The following NLRP7 variants were observed in gnomAD, a reference collection of about 807,000 sequenced individuals.
NLRP7 encodes NACHT, LRR and PYD domains-containing protein 7.
Under a neutral mutation model 85.5 loss-of-function variants are expected in NLRP7, and 72 were observed. The ratio of observed to expected loss-of-function variants is 0.84; its 90% confidence interval spans 0.70 to 1.02. The LOEUF is 1.02. Among genes scored for constraint, NLRP7 ranks in the 50% least tolerant of loss-of-function variants. The probability of loss-of-function intolerance (pLI) is 0.00; values close to 1 mark genes in which losing one functional copy is unlikely to be tolerated. For synonymous variants in NLRP7, 550 were observed against 505.2 expected, an observed-to-expected ratio of 1.09 and a Z score of -1.19; for missense variants, 1,243 against 1,219.5, an observed-to-expected ratio of 1.02 and a Z score of -0.29.
chr19:54,938,174 A>C, exon 5 of NLRP7: 1 of 1,614,072 alleles, frequency 6.2e-7, no homozygotes, highest in Non-Finnish European at 8.5e-7. Flanking sequence ...AGAGAGCAGA[A>C]ATCTGTCCAG....
chr19:54,946,810 T>G (rs1020123446), intron 1 of NLRP7, among the ~76,000 whole-genome samples: 1 of 152,112 alleles, frequency 6.6e-6, no homozygotes, highest in African/African-American at 2.4e-5. Context: ...TGGCTAATTT[T>G]TGTGTTTTTA....
At chr19:54,937,843 G>A (rs775523792) in intron 5 of NLRP7, among the ~76,000 whole-genome samples, 1 of 142,962 alleles carries the variant, frequency 7.0e-6, no homozygotes, top group Non-Finnish European at 1.5e-5. Context: ...GATGCAGTGA[G>A]CTGAGATCGC....
upstream of NLRP7, among the ~76,000 whole-genome samples, chr19:54,950,978 C>G (rs2069649321): frequency 6.6e-6 from 1 of 152,182 alleles, no homozygotes. Flanking sequence ...TCCCTGGGTA[C>G]TTGAGATTAG....
chr19:54,958,917 T>C (rs1396681168), intron 1 of NLRP7, among the ~76,000 whole-genome samples: 2 of 152,084 alleles, frequency 1.3e-5, no homozygotes, highest in African/African-American at 2.4e-5. Context: ...AGGGGTTTCG[T>C]GCACTGCTGG....
At chr19:54,941,381 CAAA>C (rs55704982) in intron 2 of NLRP7, 51 bp downstream of exon 2, 5,926 of 665,258 alleles carry the variant, frequency 8.9e-3, no homozygotes, top group East Asian at 0.012. Context: ...GACTCCATCT[CAAA>C]AAAAAAAAAA....
chr19:54,954,578 C>T (rs539737255), intron 1 of NLRP7, among the ~76,000 whole-genome samples: 46 of 142,918 alleles, frequency 3.2e-4, no homozygotes, highest in African/African-American at 1.2e-3. Flanking sequence ...GACGTGGTGG[C>T]TTACGCCTGT....
In NLRP7 at chr19:54,930,495, C is replaced by T. The variant is rs189299552; in HGVS notation, c.2810+4G>A. 11 of 1,594,898 alleles carry T rather than the reference C, an allele frequency of 6.9e-6. No individual in the cohort carries two copies. The highest frequency in any genetic ancestry group is 9.5e-6 in the Non-Finnish European group (11 of 1,162,940). ...AAAGAAAGAAGAAAAAGAAAATCGC[C>T]TACCGTAGGTGTTTTAGGTTACAGT... On this transcript the variant is annotated splice_donor_region_variant and intron_variant, in intron 9 of 9. Coordinates refer to ENST00000340844, the Ensembl canonical transcript of NLRP7.
chr19:54,945,277 G>C (rs1206956096), intron 1 of NLRP7, among the ~76,000 whole-genome samples: 2 of 150,664 alleles, frequency 1.3e-5, no homozygotes, highest in Non-Finnish European at 3.0e-5. Context: ...AAAAATTCAG[G>C]GTTTTTTTTT....
chr19:54,932,750 G>T (rs914206636), intron 8 of NLRP7, among the ~76,000 whole-genome samples: 3 of 151,900 alleles, frequency 2.0e-5, no homozygotes, highest in African/African-American at 4.8e-5. Flanking sequence ...CTGCCTCCCA[G>T]ATTCAAGCGA....
At chr19:54,936,361 T>C (rs2068926089) in exon 6 of NLRP7, 4 of 1,614,056 alleles carry the variant, frequency 2.5e-6, no homozygotes. Flanking sequence ...GTCAGGTGCG[T>C]GAGGGTCTTC....
At chr19:54,926,686 C>T (rs150046524) in intron 9 of NLRP7, among the ~76,000 whole-genome samples, 6 of 152,058 alleles carry the variant, frequency 3.9e-5, no homozygotes, top group African/African-American at 9.6e-5. Flanking sequence ...GAGGCCAAGG[C>T]GAGAAGATCA....
upstream of NLRP7, among the ~76,000 whole-genome samples, chr19:54,950,869 C>T (rs2069646139): frequency 6.6e-6 from 1 of 152,210 alleles, no homozygotes. Flanking sequence ...TCTTTCCCTT[C>T]CCATGAGACC....
chr19:54,940,882 G>A, intron 3 of NLRP7, 49 bp downstream of exon 3: 1 of 1,086,870 alleles, frequency 9.2e-7, no homozygotes, highest in Non-Finnish European at 1.4e-6. Flanking sequence ...GATGCACCTT[G>A]CATGCTCTCA....
chr19:54,951,094 T>G (rs1270595400), upstream of NLRP7, among the ~76,000 whole-genome samples: 1 of 152,340 alleles, frequency 6.6e-6, no homozygotes, highest in Non-Finnish European at 1.5e-5. Flanking sequence ...ACACAGCACA[T>G]GTTTCAGAGA....
chr19:54,961,940 C>A (rs888250032), intron 1 of NLRP7, among the ~76,000 whole-genome samples: 1 of 151,074 alleles, frequency 6.6e-6, no homozygotes, highest in African/African-American at 2.4e-5. Context: ...GGGTGGATCA[C>A]CTGAGGTCAG....
intron 1 of NLRP7, among the ~76,000 whole-genome samples, chr19:54,962,214 T>A (rs537018499): frequency 6.7e-6 from 1 of 150,346 alleles, no homozygotes; most frequent in Admixed American, 6.7e-5. Flanking sequence ...ATGTGCAGTC[T>A]GAAAACTGCT....
intron 9 of NLRP7, among the ~76,000 whole-genome samples, 174 bp downstream of exon 9, chr19:54,930,325 G>C (rs896876479): frequency 2.0e-5 from 3 of 151,808 alleles, no homozygotes; most frequent in Non-Finnish European, 4.4e-5. Context: ...ACCTGGCCAT[G>C]GTAATACATG....
intron 1 of NLRP7, among the ~76,000 whole-genome samples, chr19:54,957,439 G>A (rs968547155): frequency 3.4e-5 from 5 of 148,986 alleles, no homozygotes; most frequent in Non-Finnish European, 7.4e-5. Context: ...TCCTCCTCCC[G>A]GGTTCAAGTG....
In NLRP7 at chr19:54,940,499, G is replaced by A. The variant is rs749570849; in HGVS notation, c.353-33C>T. ...GACAGCCCATAGGACAGTTGAGGTT[G>A]ATGATGATGATTTTCTGAATTATTT... On this transcript the variant is annotated intron_variant, in intron 3 of 9. Coordinates refer to ENST00000340844, the Ensembl canonical transcript of NLRP7. The A allele has an allele frequency of 1.5e-5, 24 of 1,607,976 alleles. No individual in the cohort carries two copies. In the Admixed American group the frequency reaches 4.0e-4, roughly 27 times the overall value.
Sources: gnomAD v4.1 joint callset for allele counts (sites outside exome capture counted in the v4.1 genomes callset) on GRCh38, gnomAD v4.1.1 for gene constraint, MANE v1.5 for transcripts, NCBI Gene and HGNC (gene_info 2026-07-23, HGNC 2026-07-21) for gene names.